The following DDR1 variants were observed in gnomAD, a reference collection of about 807,000 sequenced individuals.
DDR1 encodes epithelial discoidin domain-containing receptor 1.
A neutral mutation model predicts 97.4 loss-of-function variants in DDR1; 64 were observed. The ratio of observed to expected loss-of-function variants is 0.66; its 90% CI spans 0.54 to 0.81. The LOEUF (loss-of-function observed/expected upper bound fraction) is 0.81. Ranked by LOEUF, DDR1 falls within the 30% of genes least tolerant of loss-of-function variation. The pLI is 0.00. For synonymous variants in DDR1, 458 were observed against 503.7 expected (o/e 0.91, Z 1.21); for missense variants, 990 against 1,259.6 (o/e 0.79, Z 3.24).
chr6:30,892,570 G>A, intron 8 of DDR1, 28 bp downstream of exon 8: 4 of 1,535,052 alleles, frequency 2.6e-6, no homozygotes, highest in Non-Finnish European at 3.5e-6. Context: ...CCAGTCTCCA[G>A]TCCCTGAAAT....
chr6:30,881,013 G>A (rs1562354120), upstream of DDR1: 1 of 152,098 alleles, frequency 6.6e-6, no homozygotes, highest in Non-Finnish European at 1.5e-5. Context: ...TGCTCCTCCT[G>A]GGCCCGGGGC....
In DDR1 at chr6:30,898,228, TC is replaced by T. The variant is rs762778986; in HGVS notation, c.2373del (p.Tyr792MetfsTer40). ...GCAGACTTTGGCATGAGCCGGAACC[TC>T]TATGCTGGGGACTATTACCGTGTGC... ...KIADFGMSRN[L>X]YAGDYYRVQG... is the part of the protein sequence containing the mutation. On this transcript the variant is annotated frameshift_variant, in exon 16 of 18. Coordinates refer to ENST00000376568, the MANE Select transcript of DDR1 (RefSeq NM_001297654.2). LOFTEE classifies it high-confidence loss of function. The T allele has an allele frequency of 6.2e-7, 1 of 1,614,110 alleles. No homozygotes were observed. Among genetic ancestry groups the T allele is most frequent in the Non-Finnish European group, 8.5e-7 (1 of 1,180,050 alleles).
chr6:30,890,954 C>T lies in DDR1; in HGVS notation c.418-19C>T. 6.4e-7 allele frequency: 1 copy of T among 1,572,200 alleles called. No homozygotes were observed. Among genetic ancestry groups the T allele is most frequent in the Non-Finnish European group, 8.6e-7 (1 of 1,159,512 alleles). ...GACCTGGACTCCATCCCACCCACCC[C>T]CTGTTTCCTGGCCCACAGGTGATCT... is the stretch of plus-strand genomic sequence containing the variant. On this transcript the variant is annotated intron_variant, in intron 4 of 17. Coordinates refer to ENST00000376568, the MANE Select transcript of DDR1 (RefSeq NM_001297654.2). The surrounding 1 kb of genome is among the most constrained non-coding windows in gnomAD (Gnocchi z 5.0).
rs1440909940 is a variant in DDR1, at chr6:30,897,232, AG to A, written c.1997+95del. On this transcript the variant is annotated intron_variant, in intron 14 of 17. Coordinates refer to ENST00000376568, the MANE Select transcript of DDR1 (RefSeq NM_001297654.2). The surrounding 1 kb of genome is among the most constrained non-coding windows in gnomAD (Gnocchi z 5.2). ...AGAGAACAATGGCAGAGCCCAACAG[AG>A]GGGTGGCATCTCTGGGAGGGGATTT... 11 of 1,371,808 alleles carry A rather than the reference AG, an allele frequency of 8.0e-6. No homozygotes were observed. In the East Asian group the frequency reaches 2.8e-4, roughly 35 times the overall value. 85.0% of individuals were successfully genotyped at this position (1,371,808 alleles called of 1,614,324 possible).
At position 30,896,858 on chromosome 6, in the gene DDR1, T is replaced by C. The variant is rs773039359; in HGVS notation, c.1862T>C (p.Phe621Ser). The change falls in exon 13 of 18, where the codon TTT becomes TCT. Residue 621 changes from phenylalanine to serine, a missense_variant. Phe to Ser is a radical substitution (Grantham distance 155). Coordinates refer to ENST00000376568, the MANE Select transcript of DDR1 (RefSeq NM_001297654.2). ...RFKEKLGEGQ[F>S]GEVHLCEVDS... is the part of the protein sequence containing the mutation. Reference sequence around the variant, plus strand: ...AAGGAGAAGCTTGGCGAGGGCCAGTTTGGGGAGGTAAGGAGGGTGCCTACC... The same window carrying C: ...AAGGAGAAGCTTGGCGAGGGCCAGTCTGGGGAGGTAAGGAGGGTGCCTACC... 2 of 1,577,960 alleles carry C rather than the reference T, an allele frequency of 1.3e-6. No individual in the cohort carries two copies. The highest frequency in any genetic ancestry group is 1.7e-6 in the Non-Finnish European group (2 of 1,159,150).
Position 30,894,807 on chromosome 6 carries a change from T to C in DDR1, c.1513+136T>C. The C allele has an allele frequency of 1.0e-6, 1 of 976,488 alleles. No individual in the cohort carries two copies. Among genetic ancestry groups the C allele is most frequent in the Non-Finnish European group, 1.5e-6 (1 of 684,724 alleles). The allele number at this position is 976,488 out of a possible 1,614,324, so 60.5% of individuals were successfully genotyped here. On this transcript the variant is annotated intron_variant, in intron 11 of 17. Transcript: ENST00000376568. This position sits in a 1 kb window ranked among gnomAD's most constrained non-coding sequence, Gnocchi z 5.7. ...TCTTTCTGTGCCCCTGGTTACTGTC[T>C]ATATCACTCTTTGTCCCTACCATGT...
At position 30,897,430 on chromosome 6, in the gene DDR1, C is replaced by T; in HGVS notation, c.2049C>T (p.Asn683=). 1 of 1,614,150 alleles carries T rather than the reference C, an allele frequency of 6.2e-7. No homozygotes were observed. Among genetic ancestry groups the T allele is most frequent in the Non-Finnish European group, 8.5e-7 (1 of 1,180,036 alleles). ...VKIMSRLKDP[N]IIRLLGVCVQ... is the part of the protein sequence containing the mutation. Reference sequence around the variant, plus strand: ...TCATGTCGAGGCTCAAGGACCCAAACATCATTCGGCTGCTGGGCGTGTGTG... The same window carrying T: ...TCATGTCGAGGCTCAAGGACCCAAATATCATTCGGCTGCTGGGCGTGTGTG... The change falls in exon 15 of 18, where the codon AAC becomes AAT. Residue 683 remains asparagine, a synonymous_variant. Coordinates refer to ENST00000376568, the MANE Select transcript of DDR1 (RefSeq NM_001297654.2). The surrounding 1 kb of genome is among the most constrained non-coding windows in gnomAD (Gnocchi z 5.2).
chr6:30,890,576 C>T lies in DDR1; in HGVS notation c.418-397C>T, dbSNP rs1311003408. Reference sequence around the variant, plus strand: ...CACTGAGAACGCGCCTGGCACAGAGCGGGCACTCAGCCAACTTCTGCTGAA... The same window carrying T: ...CACTGAGAACGCGCCTGGCACAGAGTGGGCACTCAGCCAACTTCTGCTGAA... On this transcript the variant is annotated intron_variant, in intron 4 of 17. Transcript: ENST00000376568. The surrounding 1 kb of genome is among the most constrained non-coding windows in gnomAD (Gnocchi z 5.0). The T allele has an allele frequency of 1.1e-5, 2 of 183,468 alleles. No homozygotes were observed. The highest frequency in any genetic ancestry group is 2.2e-5 in the Non-Finnish European group (2 of 89,630). 11.4% of individuals were successfully genotyped at this position (183,468 alleles called of 1,614,324 possible).
At position 30,893,268 on chromosome 6, in the gene DDR1, C is replaced by T; in HGVS notation, c.1196-4C>T. The T allele has an allele frequency of 1.9e-6, 3 of 1,603,728 alleles. No homozygotes were observed. The highest frequency in any genetic ancestry group is 1.7e-6 in the Non-Finnish European group (2 of 1,179,246). On this transcript the variant is annotated splice_region_variant and splice_polypyrimidine_tract_variant and intron_variant, in intron 9 of 17. Transcript: ENST00000376568. The stretch of plus-strand genomic sequence containing the variant: ...TGTGGTGCTGACCCTGCTGCCTCCA[C>T]CAGAGCTGGAGCCCAGAGGCCAGCA...
chr6:30,894,287 T>C lies in DDR1; in HGVS notation c.1348-219T>C, dbSNP rs545676332. Reference sequence around the variant, plus strand: ...ACAAAAAAAAAACGGTTGATAGTTATGGACTGGGCAGATGAGGGTTAGAAT... The same window carrying C: ...ACAAAAAAAAAACGGTTGATAGTTACGGACTGGGCAGATGAGGGTTAGAAT... On this transcript the variant is annotated intron_variant, in intron 10 of 17. Transcript: ENST00000376568. The surrounding 1 kb of genome is among the most constrained non-coding windows in gnomAD (Gnocchi z 5.7). Among the ~76,000 whole-genome samples the C allele has an allele frequency of 4.5e-4, 69 of 152,194 alleles. No homozygotes were observed. The highest frequency in any genetic ancestry group is 2.7e-3 in the Admixed American group (42 of 15,300).
chr6:30,887,890 A>G (rs1786489163), intron 1 of DDR1, among the ~76,000 whole-genome samples: 1 of 152,198 alleles, frequency 6.6e-6, no homozygotes, highest in Admixed American at 6.5e-5. Flanking sequence ...ATGAGCCACC[A>G]GACCCAGACC....
chr6:30,896,879 C>G lies in DDR1; in HGVS notation c.1869+14C>G, dbSNP rs2150428407. On this transcript the variant is annotated intron_variant, in intron 13 of 17. Coordinates refer to ENST00000376568, the MANE Select transcript of DDR1 (RefSeq NM_001297654.2). ...CAGTTTGGGGAGGTAAGGAGGGTGCCTACCCAGTGTCTGGCCCTATTGTGT... is the reference window on the plus strand; with the variant it reads ...CAGTTTGGGGAGGTAAGGAGGGTGCGTACCCAGTGTCTGGCCCTATTGTGT... The G allele has an allele frequency of 6.4e-7, 1 of 1,564,916 alleles. No individual in the cohort carries two copies. The highest frequency in any genetic ancestry group is 1.2e-5 in the South Asian group (1 of 83,078).
chr6:30,896,593 C>G, intron 12 of DDR1, 28 bp from the exon 13 acceptor site: 1 of 1,603,114 alleles, frequency 6.2e-7, no homozygotes, highest in Non-Finnish European at 8.5e-7. Flanking sequence ...GATGCCTCGT[C>G]CTGTCTTCTT....
At position 30,884,954 on chromosome 6, in the gene DDR1, G is replaced by C; in HGVS notation, c.-43+244G>C. 2 of 466,544 alleles carry C rather than the reference G, an allele frequency of 4.3e-6. No individual in the cohort carries two copies. The highest frequency in any genetic ancestry group is 3.9e-6 in the Non-Finnish European group (1 of 259,494). The allele number at this position is 466,544 out of a possible 1,614,324, so 28.9% of individuals were successfully genotyped here. ...TCCCAGAAAGAGTTTTGAGCCTCCA[G>C]CCTTGAGGCAAGTCCCCTCTCACTC... On this transcript the variant is annotated intron_variant, in intron 1 of 17. Transcript: ENST00000376568. The surrounding 1 kb of genome is among the most constrained non-coding windows in gnomAD (Gnocchi z 6.1).
At position 30,894,555 on chromosome 6, in the gene DDR1, C is replaced by A; in HGVS notation, c.1397C>A (p.Pro466His). ...GAGCTGACGGTTCACCTCTCTGTCCCTGGGGACACTATCCTCATCAACAAC... is the reference window on the plus strand; with the variant it reads ...GAGCTGACGGTTCACCTCTCTGTCCATGGGGACACTATCCTCATCAACAAC... Reference protein sequence around the residue: ...EEELTVHLSVPGDTILINNRP... With the variant: ...EEELTVHLSVHGDTILINNRP... The change falls in exon 11 of 18, where the codon CCT becomes CAT. Residue 466 changes from proline to histidine, a missense_variant. By Grantham distance (77) the Pro-to-His change is moderately conservative. Transcript: ENST00000376568. This position sits in a 1 kb window ranked among gnomAD's most constrained non-coding sequence, Gnocchi z 5.7. The A allele has an allele frequency of 6.2e-7, 1 of 1,613,440 alleles. No individual in the cohort carries two copies.
Position 30,897,229 on chromosome 6 carries a change from C to G in DDR1, c.1997+88C>G. 1 of 1,546,736 alleles carries G rather than the reference C, an allele frequency of 6.5e-7. No individual in the cohort carries two copies. The highest frequency in any genetic ancestry group is 8.7e-7 in the Non-Finnish European group (1 of 1,151,654). On this transcript the variant is annotated intron_variant, in intron 14 of 17. Coordinates refer to ENST00000376568, the MANE Select transcript of DDR1 (RefSeq NM_001297654.2). The surrounding 1 kb of genome is among the most constrained non-coding windows in gnomAD (Gnocchi z 5.2). ...TAGAGAGAACAATGGCAGAGCCCAA[C>G]AGAGGGGTGGCATCTCTGGGAGGGG...
chr6:30,892,434 G>A lies in DDR1; in HGVS notation c.991G>A (p.Ala331Thr), dbSNP rs776412348. The A allele has an allele frequency of 1.2e-5, 19 of 1,607,192 alleles. No homozygotes were observed. In the African/African-American group the frequency reaches 2.0e-4, roughly 17 times the overall value. The change falls in exon 8 of 18, where the codon GCC (alanine) becomes ACC (threonine). Residue 331 changes from alanine to threonine, a missense_variant. Transcript: ENST00000376568. ...NLGGNLGDPR[A>T]RAVSVPLGGR... ...AGGGGGCAACCTGGGGGACCCCAGAGCCCGGGCTGTCTCAGTGCCCCTTGG... is the reference window on the plus strand; with the variant it reads ...AGGGGGCAACCTGGGGGACCCCAGAACCCGGGCTGTCTCAGTGCCCCTTGG...
Position 30,898,286 on chromosome 6 carries a change from G to A in DDR1, c.2430G>A (p.Met810Ile). The change falls in exon 16 of 18, where the codon ATG becomes ATA. Residue 810 changes from methionine (M) to isoleucine (I), a missense_variant. Transcript: ENST00000376568. ...QGRAVLPIRW[M>I]AWECILMGKF... ...GGGCAGTGCTGCCCATCCGCTGGATGGCCTGGGAGTGCATCCTCATGGTGA... is the reference window on the plus strand; with the variant it reads ...GGGCAGTGCTGCCCATCCGCTGGATAGCCTGGGAGTGCATCCTCATGGTGA... The A allele has an allele frequency of 1.9e-6, 3 of 1,613,754 alleles. No individual in the cohort carries two copies. Among genetic ancestry groups the A allele is most frequent in the Non-Finnish European group, 2.5e-6 (3 of 1,179,692 alleles).
At position 30,888,851 on chromosome 6, in the gene DDR1, G is replaced by T. The variant is rs779712351; in HGVS notation, c.85+37G>T. ...GAATCATGGGTCCCTGAGGGCCAGGGCTTGGGAGGTAGAGAGTTGGGGGCC... is the reference window on the plus strand; with the variant it reads ...GAATCATGGGTCCCTGAGGGCCAGGTCTTGGGAGGTAGAGAGTTGGGGGCC... On this transcript the variant is annotated intron_variant, in intron 2 of 17. Transcript: ENST00000376568. The surrounding 1 kb of genome is among the most constrained non-coding windows in gnomAD (Gnocchi z 4.2). The T allele has an allele frequency of 1.9e-6, 3 of 1,612,950 alleles. No individual in the cohort carries two copies. The highest frequency in any genetic ancestry group is 2.5e-6 in the Non-Finnish European group (3 of 1,180,010).
Sources: allele counts gnomAD v4.1 joint callset (sites outside exome capture counted in the v4.1 genomes callset), GRCh38; gene constraint gnomAD v4.1.1; non-coding constraint Gnocchi (gnomAD v3.1); transcripts MANE v1.5; gene names NCBI Gene and HGNC (gene_info 2026-07-23, HGNC 2026-07-21).